The following PLCE1 variants were observed in gnomAD, a reference collection of about 807,000 sequenced individuals.
The protein encoded by PLCE1 is 1-phosphatidylinositol 4,5-bisphosphate phosphodiesterase epsilon-1.
Under a neutral mutation model 242.8 loss-of-function variants are expected in PLCE1, and 119 were observed. The observed-to-expected ratio is 0.49, with a 90% confidence interval of 0.42 to 0.57. PLCE1 has a LOEUF of 0.57. Ranked by LOEUF, PLCE1 falls within the 20% of genes least tolerant of loss-of-function variation. PLCE1 has a pLI of 0.00. For missense variants in PLCE1, 2,441 were observed against 2,788.8 expected (o/e 0.88, Z 2.81); for synonymous variants, 945 against 1,017.4 (o/e 0.93, Z 1.35).
intron 19 of PLCE1, chr10:94,279,398 A>T (rs576020394): frequency 3.8e-6 from 1 of 260,818 alleles, no homozygotes; most frequent in Admixed American, 5.1e-5. Context: ...AGGGGAAAAA[A>T]TGGTTTCTTA....
intron 29 of PLCE1, among the ~76,000 whole-genome samples, chr10:94,320,212 A>G (rs191104528): frequency 6.6e-6 from 1 of 152,234 alleles, no homozygotes; most frequent in Admixed American, 6.5e-5. Flanking sequence ...TATACATAGG[A>G]TACAATCTCA....
chr10:94,281,569 A>G (rs952803814), intron 20 of PLCE1, among the ~76,000 whole-genome samples: 2 of 152,094 alleles, frequency 1.3e-5, no homozygotes, highest in Admixed American at 1.3e-4. Flanking sequence ...GGAAAAGGGG[A>G]CCACACCAGG....
In PLCE1 at chr10:94,325,049, C is replaced by G. The variant is rs2053960028; in HGVS notation, c.6878C>G (p.Ser2293Cys). ...TKEEKPVGGL[S>C]SSDTMDYRQ ...GAGGAGAAACCTGTGGGTGGCTTGT[C>G]CTCCAGTGACACAATGGATTACCGA... Residue 2293 changes from serine (S) to cysteine (C), a missense_variant, in exon 32 of 33, where the codon TCC becomes TGC. Coordinates refer to ENST00000371380, the MANE Select transcript of PLCE1 (RefSeq NM_016341.4). 5 of 1,614,070 alleles carry G rather than the reference C, an allele frequency of 3.1e-6. No homozygotes were observed. Among genetic ancestry groups the G allele is most frequent in the Non-Finnish European group, 4.2e-6 (5 of 1,180,018 alleles).
Position 94,262,863 on chromosome 10 carries a change from T to G in PLCE1, c.4053+131T>G, listed in dbSNP as rs570439989. 26,066 of 693,882 alleles carry G rather than the reference T, an allele frequency of 0.038. 730 individuals carry two copies. Among genetic ancestry groups the G allele is most frequent in the African/African-American group, 0.16 (6,496 of 40,542 alleles). The allele number at this position is 693,882 out of a possible 1,614,324, so 43.0% of individuals were successfully genotyped here. Reference sequence around the variant, plus strand: ...ATCTGGGACAGATATACAGTTTTGTTTTTTTTTTTGTTTTTTTGGGTGTTT... The same window carrying G: ...ATCTGGGACAGATATACAGTTTTGTGTTTTTTTTTGTTTTTTTGGGTGTTT... On this transcript the variant is annotated intron_variant, in intron 14 of 32. Transcript: ENST00000371380.
chr10:94,211,859 A>C (rs2049342014), intron 4 of PLCE1, among the ~76,000 whole-genome samples: 1 of 152,206 alleles, frequency 6.6e-6, no homozygotes, highest in Non-Finnish European at 1.5e-5. Flanking sequence ...CTACTGAACT[A>C]CTGGTGGAGA....
In PLCE1 at chr10:94,246,585, G is replaced by A; in HGVS notation, c.3060G>A (p.Gln1020=). The A allele has an allele frequency of 6.2e-7, 1 of 1,614,138 alleles. No homozygotes were observed. Among genetic ancestry groups the A allele is most frequent in the Non-Finnish European group, 8.5e-7 (1 of 1,180,026 alleles). The change falls in exon 8 of 33, where the codon CAG becomes CAA. Residue 1020 remains glutamine (Q), a synonymous_variant. Coordinates refer to ENST00000371380, the MANE Select transcript of PLCE1 (RefSeq NM_016341.4). ...TGAGGAAATTCCCTGACCAAAGACA[G>A]CAGTGGCTGCGGAAACAGTACGTCA... The part of the protein sequence containing the change: ...RKMRKFPDQR[Q]QWLRKQYVSL...
At chr10:94,018,746 G>A (rs536385985) in intron 1 of PLCE1, among the ~76,000 whole-genome samples, 242 of 152,204 alleles carry the variant, frequency 1.6e-3, no homozygotes, top group African/African-American at 5.6e-3. Context: ...ATTTCCTGTA[G>A]GGAGGGATTC....
Position 94,265,970 on chromosome 10 carries a change from GC to G in PLCE1, c.4281+14del. The stretch of plus-strand genomic sequence containing the variant: ...AACTCTACAGCCAGGTACAGGGAAT[GC>G]CACTTGGAATGTGGTTTTTATTAAA... On this transcript the variant is annotated intron_variant, in intron 16 of 32. Transcript: ENST00000371380. The G allele has an allele frequency of 6.2e-7, 1 of 1,613,450 alleles. No homozygotes were observed.
chr10:94,288,360 G>A (rs1418682875), intron 22 of PLCE1, among the ~76,000 whole-genome samples: 1 of 152,184 alleles, frequency 6.6e-6, no homozygotes, highest in South Asian at 2.1e-4. Flanking sequence ...AGATAAGATC[G>A]TGGGTCAGAG....
At chr10:94,204,799 GAAGC>G (rs149035456) in intron 4 of PLCE1, among the ~76,000 whole-genome samples, 19,811 of 70,930 alleles carry the variant, frequency 0.28, 2,203 homozygotes, top group East Asian at 0.32. Context: ...AGGAAGGAAG[GAAGC>G]AAAATAATGT....
intron 1 of PLCE1, among the ~76,000 whole-genome samples, chr10:94,027,079 T>C (rs549796460): frequency 1.3e-5 from 2 of 152,322 alleles, no homozygotes; most frequent in East Asian, 3.9e-4. Context: ...TTTCTTTTTA[T>C]GACTGCCCAT....
At chr10:94,100,120 T>C (rs2045470443) in intron 2 of PLCE1, 1 of 152,130 alleles carries the variant, frequency 6.6e-6, no homozygotes, top group Non-Finnish European at 1.5e-5. Flanking sequence ...TCTTTCCAGG[T>C]AAAACAGAGA....
At chr10:94,249,343 A>G (rs1020998394) in intron 8 of PLCE1, among the ~76,000 whole-genome samples, 1 of 152,186 alleles carries the variant, frequency 6.6e-6, no homozygotes, top group African/African-American at 2.4e-5. Flanking sequence ...CAAAAGATCA[A>G]ATCTTTTGTT....
At chr10:94,262,422 C>T in intron 13 of PLCE1, 72 bp from the exon 14 acceptor site, 1 of 969,412 alleles carries the variant, frequency 1.0e-6, no homozygotes, top group East Asian at 2.4e-5. Context: ...AACTCCACAC[C>T]ATTATCTCCA....
chr10:94,013,845 G>A (rs2061220262), intron 1 of PLCE1, among the ~76,000 whole-genome samples: 1 of 152,206 alleles, frequency 6.6e-6, no homozygotes, highest in Non-Finnish European at 1.5e-5. Context: ...GGAATGGCCT[G>A]AAGTACTTGT....
At chr10:94,099,462 A>G (rs1222216877) in intron 2 of PLCE1, among the ~76,000 whole-genome samples, 1 of 152,232 alleles carries the variant, frequency 6.6e-6, no homozygotes, top group East Asian at 1.9e-4. Context: ...TTAGTGAATT[A>G]GGATTTAAAC....
intron 4 of PLCE1, among the ~76,000 whole-genome samples, chr10:94,225,981 C>G (rs924963443): frequency 4.6e-5 from 7 of 152,212 alleles, no homozygotes; most frequent in African/African-American, 1.4e-4. Context: ...GATGCTGAAC[C>G]AAGCGGAGCT....
At chr10:94,327,270 A>AAAAG (rs1443962274) in intron 32 of PLCE1, among the ~76,000 whole-genome samples, 1 of 152,026 alleles carries the variant, frequency 6.6e-6, no homozygotes, top group Non-Finnish European at 1.5e-5. Context: ...GAGCACTTGT[A>AAAAG]AAAGAAAAGA....
chr10:94,268,288 C>T (rs1213448525), intron 16 of PLCE1, among the ~76,000 whole-genome samples: 1 of 152,176 alleles, frequency 6.6e-6, no homozygotes, highest in Non-Finnish European at 1.5e-5. Context: ...AGCTTGATTA[C>T]TGATGTCTGC....
Sources: gnomAD v4.1 joint callset for allele counts (sites outside exome capture counted in the v4.1 genomes callset) on GRCh38, gnomAD v4.1.1 for gene constraint, MANE v1.5 for transcripts, NCBI Gene and HGNC (gene_info 2026-07-23, HGNC 2026-07-21) for gene names.